SLC4A10: variants seen among roughly 807,000 people sequenced by gnomAD.
SLC4A10 encodes solute carrier family 4 member 10.
SLC4A10 carries 42 observed loss-of-function variants against 137.7 expected under a neutral mutation model. That is an observed-to-expected ratio of 0.30 (90% CI 0.24 to 0.39). The LOEUF (loss-of-function observed/expected upper bound fraction) is 0.39, where lower values mean the gene tolerates loss of function less well. Ranked by LOEUF, SLC4A10 falls within the 10% of genes least tolerant of loss-of-function variation. The pLI, the probability that SLC4A10 is intolerant of heterozygous loss-of-function variation, is 1.00. For synonymous variants in SLC4A10, 474 were observed against 464.1 expected (o/e 1.02, Z -0.27); for missense variants, 925 against 1,355.0 (o/e 0.68, Z 4.98).
intron 19 of SLC4A10, among the ~76,000 whole-genome samples, chr2:161,955,220 C>G (rs1201173932): frequency 1.3e-5 from 2 of 152,202 alleles, no homozygotes; most frequent in Admixed American, 1.3e-4. Context: ...CTGCTTAAGA[C>G]ATTGTCCTTT....
chr2:161,628,602 A>G lies in SLC4A10; in HGVS notation c.48+4036A>G, dbSNP rs1294324055. On this transcript the variant is annotated intron_variant, in intron 1 of 26. Transcript: ENST00000446997. ...ATGGCTAAGTAATATTGTTTTTTCT[A>G]TTCAATTTGCATTGAAATTTAAATT... Among the ~76,000 whole-genome samples the G allele has an allele frequency of 3.9e-5, 6 of 152,152 alleles. No individual in the cohort carries two copies. The South Asian group carries it at 1.0e-3, about 26-fold the overall frequency.
intron 15 of SLC4A10, among the ~76,000 whole-genome samples, chr2:161,908,846 C>T (rs563664042): frequency 2.6e-5 from 4 of 151,694 alleles, no homozygotes; most frequent in Non-Finnish European, 2.9e-5. Flanking sequence ...AGGAAGGCAG[C>T]AATGATGAAA....
At chr2:161,714,776 T>G (rs1044179875) in intron 1 of SLC4A10, among the ~76,000 whole-genome samples, 5 of 152,014 alleles carry the variant, frequency 3.3e-5, no homozygotes, top group Admixed American at 6.6e-5. Flanking sequence ...TAATCTCTCT[T>G]TTCTTCAGTG....
intron 1 of SLC4A10, among the ~76,000 whole-genome samples, chr2:161,647,125 G>A (rs1470054959): frequency 6.6e-6 from 1 of 151,904 alleles, no homozygotes. Context: ...AATCTGTTAT[G>A]GTTCCTCTTT....
At chr2:161,685,648 A>G (rs2041326356) in intron 1 of SLC4A10, among the ~76,000 whole-genome samples, 1 of 151,844 alleles carries the variant, frequency 6.6e-6, no homozygotes, top group Admixed American at 6.6e-5. Context: ...AAAAAAAAAC[A>G]AAGAAATTGA....
chr2:161,624,758 C>G (rs896538579), intron 1 of SLC4A10, among the ~76,000 whole-genome samples, 192 bp downstream of exon 1: 2 of 151,930 alleles, frequency 1.3e-5, no homozygotes, highest in African/African-American at 4.8e-5. Context: ...CTCCTCCCCC[C>G]CCCTTCTCAA....
At chr2:161,876,245 A>T (rs2061441910) in intron 8 of SLC4A10, among the ~76,000 whole-genome samples, 1 of 152,148 alleles carries the variant, frequency 6.6e-6, no homozygotes, top group Non-Finnish European at 1.5e-5. Flanking sequence ...CTTCTTGTCC[A>T]TTCCAAGTGT....
chr2:161,819,638 G>C (rs1003783639), intron 3 of SLC4A10, among the ~76,000 whole-genome samples: 1 of 151,932 alleles, frequency 6.6e-6, no homozygotes, highest in Non-Finnish European at 1.5e-5. Flanking sequence ...GGGATTACAG[G>C]CACCTGCCAC....
chr2:161,819,123 C>T (rs1037015148), intron 3 of SLC4A10, among the ~76,000 whole-genome samples: 4 of 152,144 alleles, frequency 2.6e-5, no homozygotes, highest in African/African-American at 9.7e-5. Context: ...TCATAGAATA[C>T]AGTGTTGTTA....
At chr2:161,638,159 T>A (rs538363994) in intron 1 of SLC4A10, among the ~76,000 whole-genome samples, 1 of 152,182 alleles carries the variant, frequency 6.6e-6, no homozygotes, top group African/African-American at 2.4e-5. Context: ...CTGTTTTTGC[T>A]TTTGTTGCCT....
chr2:161,968,261 A>G (rs1357116938), intron 23 of SLC4A10, among the ~76,000 whole-genome samples: 2 of 152,188 alleles, frequency 1.3e-5, no homozygotes, highest in African/African-American at 4.8e-5. Flanking sequence ...ATAGCTATGC[A>G]TGTATGGTAC....
intron 1 of SLC4A10, among the ~76,000 whole-genome samples, chr2:161,699,625 A>G (rs2042929620): frequency 6.6e-6 from 1 of 152,200 alleles, no homozygotes; most frequent in Non-Finnish European, 1.5e-5. Flanking sequence ...AATGAAAGAC[A>G]AGATTAAGCC....
intron 2 of SLC4A10, among the ~76,000 whole-genome samples, chr2:161,785,354 A>G (rs537284563): frequency 6.6e-6 from 1 of 151,808 alleles, no homozygotes; most frequent in Admixed American, 6.6e-5. Flanking sequence ...AAGAGGAAAT[A>G]CCTCCAAACT....
chr2:161,960,234 G>T (rs1046354382), intron 21 of SLC4A10, among the ~76,000 whole-genome samples: 2 of 151,606 alleles, frequency 1.3e-5, no homozygotes, highest in African/African-American at 4.8e-5. Flanking sequence ...CATGGTGGTG[G>T]GCGCCTGTAG....
intron 1 of SLC4A10, among the ~76,000 whole-genome samples, chr2:161,736,102 A>G (rs2047313351): frequency 6.6e-6 from 1 of 152,252 alleles, no homozygotes; most frequent in South Asian, 2.1e-4. Context: ...TAGTTTTTAT[A>G]AAGAATTTTT....
intron 3 of SLC4A10, among the ~76,000 whole-genome samples, chr2:161,805,201 C>G (rs2055806411): frequency 6.6e-6 from 1 of 152,084 alleles, no homozygotes; most frequent in Non-Finnish European, 1.5e-5. Flanking sequence ...GAGACTTACT[C>G]ACTATCACGA....
chr2:161,631,392 A>C (rs1322210657), intron 1 of SLC4A10, among the ~76,000 whole-genome samples: 4 of 151,882 alleles, frequency 2.6e-5, no homozygotes, highest in African/African-American at 9.6e-5. Context: ...TGCTTATATC[A>C]GTTACATTTA....
chr2:161,703,979 T>C (rs993052939), intron 1 of SLC4A10, among the ~76,000 whole-genome samples: 1 of 151,684 alleles, frequency 6.6e-6, no homozygotes, highest in Non-Finnish European at 1.5e-5. Context: ...CTGTACATTA[T>C]ACATACGTGG....
At chr2:161,939,396 C>T (rs1294616760) in intron 15 of SLC4A10, among the ~76,000 whole-genome samples, 1 of 152,030 alleles carries the variant, frequency 6.6e-6, no homozygotes, top group Non-Finnish European at 1.5e-5. Context: ...ATTTTCTACA[C>T]TTATCCCCAA....
Sources: gnomAD v4.1 joint callset for allele counts (sites outside exome capture counted in the v4.1 genomes callset) on GRCh38, gnomAD v4.1.1 for gene constraint, MANE v1.5 for transcripts, NCBI Gene and HGNC (gene_info 2026-07-23, HGNC 2026-07-21) for gene names.